Variants in C12orf56 observed in about 807,000 individuals in gnomAD.
C12orf56 encodes uncharacterized protein C12orf56.
In C12orf56, 71 loss-of-function variants were observed where a neutral mutation model predicts 69.9. The observed-to-expected ratio is 1.02, with a 90% confidence interval of 0.84 to 1.24. The LOEUF is 1.24. C12orf56 is among the 50% of genes most tolerant of loss of function. The pLI, the probability that C12orf56 is intolerant of heterozygous loss-of-function variation, is 0.00. For synonymous variants in C12orf56, 276 were observed against 274.1 expected (o/e 1.01, Z -0.07); for missense variants, 732 against 738.5 (o/e 0.99, Z 0.10).
At chr12:64,378,810 G>A (rs2039674745) in intron 1 of C12orf56, among the ~76,000 whole-genome samples, 1 of 152,034 alleles carries the variant, frequency 6.6e-6, no homozygotes, top group South Asian at 2.1e-4. Context: ...CAGCACTTTG[G>A]GAGGCTGAGG....
At position 64,273,903 on chromosome 12, in the gene C12orf56, CCCA is replaced by C. The variant is rs539223368; in HGVS notation, c.1584+995_1584+997del. 8.5e-5 allele frequency among the ~76,000 whole-genome samples: 13 copies of C among 152,286 alleles called. No homozygotes were observed. In the East Asian group the frequency reaches 2.5e-3, roughly 29 times the overall value. On this transcript the variant is annotated intron_variant, in intron 11 of 12. Transcript: ENST00000543942. ...TTTCACATGGAGAGGGAAGTGCAGT[CCCA>C]CCATGTGCCCAGAAGGAGGCAGAGA...
Position 64,318,607 on chromosome 12 carries a change from G to A in C12orf56, c.862C>T (p.His288Tyr). The A allele has an allele frequency of 1.3e-6, 2 of 1,536,126 alleles. No homozygotes were observed. The highest frequency in any genetic ancestry group is 1.7e-6 in the Non-Finnish European group (2 of 1,146,180). The change falls in exon 4 of 13, where the codon CAC becomes TAC. Residue 288 changes from histidine to tyrosine, a missense_variant. His to Tyr is a moderately conservative substitution (Grantham distance 83, BLOSUM62 2). Transcript: ENST00000543942. ...TAATTGTTCCATGAACTTTTTAAGT[G>A]CAGAAATATTGATGAGGTTGTGGAA... ...VISTTSSIFL[H>Y]LKSSWNNYII... is the part of the protein sequence containing the mutation.
intron 1 of C12orf56, among the ~76,000 whole-genome samples, chr12:64,354,825 T>C (rs1592481855): frequency 6.9e-6 from 1 of 144,842 alleles, no homozygotes; most frequent in East Asian, 2.3e-4. Flanking sequence ...ACGCCTGTAA[T>C]CCCAGAGCTT....
At chr12:64,374,840 A>G (rs537080802) in intron 1 of C12orf56, among the ~76,000 whole-genome samples, 49 of 152,218 alleles carry the variant, frequency 3.2e-4, no homozygotes, top group Non-Finnish European at 5.9e-4. Flanking sequence ...CACCATCCCC[A>G]GTCTTTATTT....
At chr12:64,310,905 C>T (rs1323575359) in intron 5 of C12orf56, among the ~76,000 whole-genome samples, 2 of 146,308 alleles carry the variant, frequency 1.4e-5, no homozygotes. Context: ...TGTATGATGT[C>T]CCCCTTCCTG....
intron 1 of C12orf56, chr12:64,389,309 G>T (rs1045428198): frequency 1.3e-5 from 2 of 152,234 alleles, no homozygotes; most frequent in Non-Finnish European, 2.9e-5. Context: ...CCCGAAAACC[G>T]GCGACAGGCT....
intron 3 of C12orf56, among the ~76,000 whole-genome samples, chr12:64,326,598 G>A (rs531883200): frequency 6.6e-6 from 1 of 152,148 alleles, no homozygotes; most frequent in African/African-American, 2.4e-5. Flanking sequence ...TTAGCTGGGT[G>A]TGGTGGCGGG....
At chr12:64,284,802 A>G in intron 7 of C12orf56, 49 bp from the exon 8 acceptor site, 1 of 1,395,178 alleles carries the variant, frequency 7.2e-7, no homozygotes, top group South Asian at 1.3e-5. Context: ...TTTCATTAGA[A>G]GCTCAGAATT....
chr12:64,389,472 T>C (rs1268826635), intron 1 of C12orf56: 1 of 152,240 alleles, frequency 6.6e-6, no homozygotes, highest in African/African-American at 2.4e-5. Context: ...CATCTGCTTA[T>C]TCATGCATTT....
At chr12:64,348,596 T>C (rs188027860) in intron 2 of C12orf56, among the ~76,000 whole-genome samples, 1 of 152,316 alleles carries the variant, frequency 6.6e-6, no homozygotes, top group African/African-American at 2.4e-5. Context: ...AGAGGGCCCC[T>C]GGGGCATACA....
chr12:64,343,525 C>T (rs559549047), intron 2 of C12orf56, among the ~76,000 whole-genome samples: 1 of 152,316 alleles, frequency 6.6e-6, no homozygotes, highest in East Asian at 1.9e-4. Flanking sequence ...GAGAAAAAGG[C>T]ATTTGCCAAG....
At chr12:64,294,407 CACA>C (rs1379900690) in intron 6 of C12orf56, among the ~76,000 whole-genome samples, 2 of 152,104 alleles carry the variant, frequency 1.3e-5, no homozygotes, top group Non-Finnish European at 2.9e-5. Flanking sequence ...CTGCATTACT[CACA>C]ACATCTAAAA....
chr12:64,340,562 T>C (rs1455381104), intron 2 of C12orf56, among the ~76,000 whole-genome samples: 1 of 152,180 alleles, frequency 6.6e-6, no homozygotes, highest in African/African-American at 2.4e-5. Context: ...ACCCAAATAC[T>C]ATTCCATAAA....
chr12:64,338,161 C>T (rs2039021517), intron 2 of C12orf56: 4 of 565,522 alleles, frequency 7.1e-6, no homozygotes, highest in South Asian at 5.7e-5. Context: ...CGAGCTCCAC[C>T]TCCCGAAGGC....
chr12:64,284,636 G>A (rs12581905), intron 8 of C12orf56, 28 bp downstream of exon 8: 341,508 of 1,530,338 alleles, frequency 0.22, 41,554 homozygotes, highest in East Asian at 0.49. Flanking sequence ...GCAACTACAA[G>A]GTCCCAATGT....
At chr12:64,321,132 G>A (rs982816667) in intron 3 of C12orf56, among the ~76,000 whole-genome samples, 1 of 152,034 alleles carries the variant, frequency 6.6e-6, no homozygotes, top group Non-Finnish European at 1.5e-5. Context: ...AACAATAATA[G>A]TACCCATCTC....
At chr12:64,272,504 CAAATAAAT>C (rs71089925) in intron 11 of C12orf56, among the ~76,000 whole-genome samples, 13 of 150,970 alleles carry the variant, frequency 8.6e-5, no homozygotes, top group African/African-American at 2.4e-4. Context: ...GACTCTGTCT[CAAATAAAT>C]AAATAAATAA....
chr12:64,373,908 T>G (rs923989704), intron 1 of C12orf56, among the ~76,000 whole-genome samples: 6 of 152,192 alleles, frequency 3.9e-5, no homozygotes, highest in Non-Finnish European at 7.3e-5. Context: ...TTAAACCACA[T>G]TAGCAATTAC....
At chr12:64,372,739 T>C (rs182027700) in intron 1 of C12orf56, among the ~76,000 whole-genome samples, 1 of 152,264 alleles carries the variant, frequency 6.6e-6, no homozygotes, top group East Asian at 1.9e-4. Flanking sequence ...GGTCTCAAAC[T>C]CCTGACCTCA....
Sources: gnomAD v4.1 joint callset for allele counts (sites outside exome capture counted in the v4.1 genomes callset) on GRCh38, gnomAD v4.1.1 for gene constraint, MANE v1.5 for transcripts, NCBI Gene and HGNC (gene_info 2026-07-23, HGNC 2026-07-21) for gene names.